DNAH5: variants seen among roughly 807,000 people sequenced by gnomAD.
The protein encoded by DNAH5 is axonemal beta dynein heavy chain 5.
A neutral mutation model predicts 518.2 loss-of-function variants in DNAH5; 372 were observed. The ratio of observed to expected loss-of-function variants is 0.72; its 90% confidence interval spans 0.66 to 0.78. DNAH5 has a LOEUF of 0.78. Among genes scored for constraint, DNAH5 ranks in the 30% least tolerant of loss-of-function variants. The pLI, the probability that DNAH5 is intolerant of heterozygous loss-of-function variation, is 0.00. For synonymous variants in DNAH5, 2,039 were observed against 2,025.9 expected, an observed-to-expected ratio of 1.01 and a Z score of -0.17; for missense variants, 5,523 against 5,687.0, an observed-to-expected ratio of 0.97 and a Z score of 0.93.
chr5:13,905,060 T>C (rs371657289), intron 12 of DNAH5, among the ~76,000 whole-genome samples: 19 of 152,228 alleles, frequency 1.2e-4, no homozygotes, highest in African/African-American at 2.4e-4. Context: ...AAGAGCCTCA[T>C]TGAAGATAAA....
chr5:13,985,462 T>G (rs1332918712), intron 1 of DNAH5, among the ~76,000 whole-genome samples: 1 of 90,100 alleles, frequency 1.1e-5, no homozygotes. Flanking sequence ...TATATATATA[T>G]ATATAAAGCA....
intron 65 of DNAH5, among the ~76,000 whole-genome samples, chr5:13,744,001 A>G (rs1748986905): frequency 6.6e-6 from 1 of 152,078 alleles, no homozygotes; most frequent in African/African-American, 2.4e-5. Context: ...AAAGGAAAGG[A>G]AATCAGTGTA....
At chr5:13,872,310 A>G (rs974690718) in intron 22 of DNAH5, among the ~76,000 whole-genome samples, 2 of 152,208 alleles carry the variant, frequency 1.3e-5, no homozygotes, top group Non-Finnish European at 2.9e-5. Flanking sequence ...CATCACTTCA[A>G]TGAGAGATTG....
At chr5:13,693,164 C>T (rs1359345457) in intron 78 of DNAH5, among the ~76,000 whole-genome samples, 1 of 152,076 alleles carries the variant, frequency 6.6e-6, no homozygotes, top group African/African-American at 2.4e-5. Context: ...CTGTACTCTT[C>T]CGGGAAGTCA....
At chr5:13,951,208 G>GTTTTTTTTTT (rs869082404) in intron 1 of DNAH5, among the ~76,000 whole-genome samples, 3 of 66,600 alleles carry the variant, frequency 4.5e-5, no homozygotes, top group African/African-American at 1.3e-4. Context: ...TGTTTTTTTC[G>GTTTTTTTTTT]TTTTTTTTTT....
At chr5:13,928,660 G>A (rs1485393839) in intron 2 of DNAH5, among the ~76,000 whole-genome samples, 2 of 152,122 alleles carry the variant, frequency 1.3e-5, no homozygotes, top group Non-Finnish European at 1.5e-5. Context: ...CACTAAGCTG[G>A]GACTAAGAGT....
chr5:13,825,343 C>CAAAAAAA lies in DNAH5; in HGVS notation c.6445-1011_6445-1010insTTTTTTT, dbSNP rs977321278. On this transcript the variant is annotated intron_variant, in intron 38 of 78. Coordinates refer to ENST00000265104, the MANE Select transcript of DNAH5 (RefSeq NM_001369.3). ...GGCAACAGAGCAAGACTCTGTCTTGCAAAAAATAAATAAATAAATAAATAA... is the reference window on the plus strand; with the variant it reads ...GGCAACAGAGCAAGACTCTGTCTTGCAAAAAAAAAAAAATAAATAAATAAATAAATAA... Among the ~76,000 whole-genome samples the CAAAAAAA allele has an allele frequency of 1.1e-3, 144 of 127,488 alleles. 2 individuals carry two copies. Among genetic ancestry groups the CAAAAAAA allele is most frequent in the African/African-American group, 3.9e-3 (133 of 33,776 alleles). The allele number at this position is 127,488 out of a possible 152,430, so 83.6% of individuals were successfully genotyped here. A position where few individuals can be genotyped will look rare whatever the true frequency, so the allele number is the denominator to read the frequency against.
rs1313036719 is a variant in DNAH5, at chr5:13,864,391, C to T, written c.4596+6G>A. The T allele has an allele frequency of 1.1e-5, 17 of 1,613,684 alleles. No homozygotes were observed. Among genetic ancestry groups the T allele is most frequent in the Non-Finnish European group, 1.4e-5 (17 of 1,179,958 alleles). Reference sequence around the variant, plus strand: ...CCTTGCAATCTTCCATCACATCATACTCTACCTCTATTTCCTCTTTATATT... The same window carrying T: ...CCTTGCAATCTTCCATCACATCATATTCTACCTCTATTTCCTCTTTATATT... On this transcript the variant is annotated splice_donor_region_variant and intron_variant, in intron 28 of 78. Coordinates refer to ENST00000265104, the MANE Select transcript of DNAH5 (RefSeq NM_001369.3).
chr5:13,963,055 CCT>C (rs1282126608), intron 1 of DNAH5, among the ~76,000 whole-genome samples: 1 of 152,080 alleles, frequency 6.6e-6, no homozygotes, highest in African/African-American at 2.4e-5. Context: ...TCTCCCTCTC[CCT>C]GTGTTTATAC....
chr5:13,933,807 A>AC (rs1778652905), intron 1 of DNAH5, among the ~76,000 whole-genome samples: 1 of 151,722 alleles, frequency 6.6e-6, no homozygotes, highest in African/African-American at 2.4e-5. Flanking sequence ...AAAAAAAAAA[A>AC]AACTAAGGAT....
intron 41 of DNAH5, 121 bp downstream of exon 41, chr5:13,820,225 G>A: frequency 9.9e-7 from 1 of 1,007,968 alleles, no homozygotes. Context: ...AATTAATAAA[G>A]CAGTATTTCC....
intron 1 of DNAH5, among the ~76,000 whole-genome samples, chr5:14,006,364 C>T (rs960707976): frequency 3.9e-5 from 6 of 152,150 alleles, no homozygotes; most frequent in Non-Finnish European, 8.8e-5. Flanking sequence ...TCACCAAATC[C>T]CACAGACTTG....
At chr5:13,735,730 A>G in intron 67 of DNAH5, 88 bp downstream of exon 67, 1 of 1,031,800 alleles carries the variant, frequency 9.7e-7, no homozygotes, top group African/African-American at 1.6e-5. Context: ...GACTCTTACT[A>G]ACAAAGGAGA....
chr5:13,768,692 G>C lies in DNAH5; in HGVS notation c.9897+268C>G, dbSNP rs1029364809. Among the ~76,000 whole-genome samples, 15 of 152,310 alleles carry C rather than the reference G, an allele frequency of 9.8e-5. No homozygotes were observed. The South Asian group carries it at 1.7e-3, about 17-fold the overall frequency. On this transcript the variant is annotated intron_variant, in intron 58 of 78. Transcript: ENST00000265104. ...AACATTACATAGCTTATTGATGACA[G>C]AGTTGAAATGAGGACCCAGGACTCT... is the stretch of plus-strand genomic sequence containing the variant.
chr5:13,718,841 T>G (rs1467617033), intron 72 of DNAH5, 41 bp downstream of exon 72: 5 of 1,514,858 alleles, frequency 3.3e-6, no homozygotes, highest in Admixed American at 1.7e-5. Context: ...ACAATTTAAG[T>G]AAGGAAACTC....
intron 3 of DNAH5, 133 bp from the exon 4 acceptor site, chr5:13,923,573 G>A: frequency 1.1e-6 from 1 of 928,442 alleles, no homozygotes; most frequent in Middle Eastern, 3.0e-4. Flanking sequence ...TCCACCTCTT[G>A]AACAATCTCT....
At chr5:13,740,030 C>T (rs1219299126) in intron 65 of DNAH5, among the ~76,000 whole-genome samples, 1 of 152,094 alleles carries the variant, frequency 6.6e-6, no homozygotes, top group African/African-American at 2.4e-5. Flanking sequence ...CATGCTCAAC[C>T]TCACCCTTCC....
At chr5:13,770,286 A>G (rs934939103) in intron 56 of DNAH5, among the ~76,000 whole-genome samples, 6 of 152,188 alleles carry the variant, frequency 3.9e-5, no homozygotes, top group African/African-American at 1.4e-4. Flanking sequence ...ATATGCATCA[A>G]CCTGGCTTTT....
chr5:13,934,131 C>A (rs1778688413), intron 1 of DNAH5, among the ~76,000 whole-genome samples: 1 of 152,198 alleles, frequency 6.6e-6, no homozygotes, highest in Non-Finnish European at 1.5e-5. Context: ...TCTTCACCTT[C>A]TGCCTTTGCA....
Sources: allele counts gnomAD v4.1 joint callset (sites outside exome capture counted in the v4.1 genomes callset), GRCh38; gene constraint gnomAD v4.1.1; transcripts MANE v1.5; gene names NCBI Gene and HGNC (gene_info 2026-07-23, HGNC 2026-07-21).